Variants in MAGI1 observed in about 807,000 individuals in gnomAD.
MAGI1 encodes the protein membrane-associated guanylate kinase, WW and PDZ domain-containing protein 1.
In MAGI1, 58 loss-of-function variants were observed where a neutral mutation model predicts 139.9. That is an observed-to-expected ratio of 0.41 (90% CI 0.34 to 0.52). The LOEUF (loss-of-function observed/expected upper bound fraction) is 0.52. Among genes scored for constraint, MAGI1 ranks in the 20% least tolerant of loss-of-function variants. The pLI is 0.12. For synonymous variants in MAGI1, 812 were observed against 737.9 expected, an observed-to-expected ratio of 1.10 and a Z score of -1.63; for missense variants, 1,874 against 1,901.6, an observed-to-expected ratio of 0.99 and a Z score of 0.27.
chr3:65,814,480 G>A (rs1383752687), intron 1 of MAGI1, among the ~76,000 whole-genome samples: 2 of 152,120 alleles, frequency 1.3e-5, no homozygotes, highest in Non-Finnish European at 2.9e-5. Flanking sequence ...TTTCATGGAA[G>A]GCATCCATGA....
intron 4 of MAGI1, among the ~76,000 whole-genome samples, chr3:65,470,756 T>C (rs1315336990): frequency 2.0e-5 from 3 of 152,144 alleles, no homozygotes; most frequent in African/African-American, 7.2e-5. Context: ...CTCACAATCT[T>C]GGAAATGTCA....
chr3:65,608,260 G>A (rs965615377), intron 2 of MAGI1, among the ~76,000 whole-genome samples: 1 of 152,100 alleles, frequency 6.6e-6, no homozygotes, highest in Non-Finnish European at 1.5e-5. Context: ...TGGCTAACAT[G>A]GTGAAACCCA....
chr3:65,778,299 G>A (rs746419928), intron 1 of MAGI1, among the ~76,000 whole-genome samples: 17 of 151,858 alleles, frequency 1.1e-4, no homozygotes, highest in South Asian at 2.1e-4. Flanking sequence ...GCATGGTGGC[G>A]GGTGCCTGTA....
intron 12 of MAGI1, among the ~76,000 whole-genome samples, chr3:65,419,233 C>CACATACACACACACACACACAT (rs1553641830): frequency 4.6e-5 from 7 of 151,620 alleles, no homozygotes; most frequent in African/African-American, 1.7e-4. Context: ...CACACACACA[C>CACATACACACACACACACACAT]ACACACACAC....
At chr3:65,973,115 A>G (rs1052916916) in intron 1 of MAGI1, among the ~76,000 whole-genome samples, 1 of 151,944 alleles carries the variant, frequency 6.6e-6, no homozygotes, top group Non-Finnish European at 1.5e-5. Context: ...ATGCCACTAC[A>G]CTCCAGCTGG....
At chr3:65,708,788 A>G (rs2030848621) in intron 1 of MAGI1, among the ~76,000 whole-genome samples, 1 of 152,200 alleles carries the variant, frequency 6.6e-6, no homozygotes, top group African/African-American at 2.4e-5. Flanking sequence ...ACAGACTGCC[A>G]TTCTTCTCAA....
intron 1 of MAGI1, among the ~76,000 whole-genome samples, chr3:65,777,558 G>A (rs1355668674): frequency 6.6e-6 from 1 of 150,534 alleles, no homozygotes; most frequent in Non-Finnish European, 1.5e-5. Context: ...AGGATCACTT[G>A]AGCCTGGGAG....
rs869135888 is a variant in MAGI1, at chr3:65,950,094, CA to C, written c.313+87901del. Among the ~76,000 whole-genome samples the C allele has an allele frequency of 6.1e-4, 29 of 47,814 alleles. 1 individual carries two copies. The highest frequency in any genetic ancestry group is 1.2e-3 in the South Asian group (1 of 852). The allele number at this position is 47,814 out of a possible 152,430, so 31.4% of individuals were successfully genotyped here. ...AAAAAAAAACAAAAAAAAAAACAAA[CA>C]AAAAAAAAAAACAGAACTAGCAATA... On this transcript the variant is annotated intron_variant, in intron 1 of 22. Transcript: ENST00000402939.
chr3:65,526,476 C>G (rs2107821530), intron 2 of MAGI1, among the ~76,000 whole-genome samples: 1 of 152,296 alleles, frequency 6.6e-6, no homozygotes, highest in East Asian at 1.9e-4. Context: ...AATTCTTTAT[C>G]TGCATGCAAA....
chr3:65,777,537 G>A (rs763306277), intron 1 of MAGI1, among the ~76,000 whole-genome samples: 1 of 151,706 alleles, frequency 6.6e-6, no homozygotes, highest in Non-Finnish European at 1.5e-5. Flanking sequence ...ACTTTGGGAG[G>A]CCAAGGTGGG....
chr3:65,515,513 A>C (rs1387537462), intron 2 of MAGI1, among the ~76,000 whole-genome samples: 2 of 152,194 alleles, frequency 1.3e-5, no homozygotes, highest in East Asian at 3.9e-4. Flanking sequence ...GAAAATATAA[A>C]ATTCACACAA....
intron 9 of MAGI1, 142 bp downstream of exon 9, chr3:65,439,737 C>T: frequency 6.7e-7 from 1 of 1,496,180 alleles, no homozygotes. Context: ...GGTTCTCTTC[C>T]TCCCCACAGG....
At chr3:65,903,150 A>C (rs1188566532) in intron 1 of MAGI1, among the ~76,000 whole-genome samples, 6 of 151,406 alleles carry the variant, frequency 4.0e-5, no homozygotes, top group Non-Finnish European at 1.5e-5. Context: ...ACACACCAAC[A>C]CTCCCAGCCA....
chr3:65,547,269 C>T (rs2079549613), intron 2 of MAGI1, among the ~76,000 whole-genome samples: 1 of 152,164 alleles, frequency 6.6e-6, no homozygotes, highest in Non-Finnish European at 1.5e-5. Context: ...GTTAATTCAA[C>T]CCCTAAGCGA....
At chr3:65,991,484 C>T (rs957220090) in intron 1 of MAGI1, among the ~76,000 whole-genome samples, 3 of 152,002 alleles carry the variant, frequency 2.0e-5, no homozygotes, top group Non-Finnish European at 4.4e-5. Flanking sequence ...ACTTATGAAA[C>T]CTAGGTGACA....
At chr3:65,397,719 T>C (rs908791533) in intron 13 of MAGI1, among the ~76,000 whole-genome samples, 3 of 152,226 alleles carry the variant, frequency 2.0e-5, no homozygotes, top group Admixed American at 6.5e-5. Flanking sequence ...CATTTTATGA[T>C]GACTTATAAG....
chr3:65,469,092 T>A (rs1950386082), intron 5 of MAGI1, among the ~76,000 whole-genome samples: 1 of 152,178 alleles, frequency 6.6e-6, no homozygotes, highest in South Asian at 2.1e-4. Context: ...ACCCAACTGT[T>A]AATAGATACT....
At position 65,998,590 on chromosome 3, in the gene MAGI1, A is replaced by G. The variant is rs1303023033; in HGVS notation, c.313+39406T>C. ...TTAGAGGTTAAGATTTAAGAGACCA[A>G]GACTAATCTGTTAGGCCTTCCTTAT... On this transcript the variant is annotated intron_variant, in intron 1 of 22. Coordinates refer to ENST00000402939, the MANE Select transcript of MAGI1 (RefSeq NM_001033057.2). Among the ~76,000 whole-genome samples the G allele has an allele frequency of 3.3e-5, 5 of 152,356 alleles. No homozygotes were observed. The South Asian group carries it at 6.2e-4, about 19-fold the overall frequency.
At chr3:65,926,823 C>A (rs1296204734) in intron 1 of MAGI1, among the ~76,000 whole-genome samples, 1 of 152,136 alleles carries the variant, frequency 6.6e-6, no homozygotes, top group Non-Finnish European at 1.5e-5. Flanking sequence ...GGTGTAACCC[C>A]CATCTCTACT....
Sources: allele counts gnomAD v4.1 joint callset (sites outside exome capture counted in the v4.1 genomes callset), GRCh38; gene constraint gnomAD v4.1.1; transcripts MANE v1.5; gene names NCBI Gene and HGNC (gene_info 2026-07-23, HGNC 2026-07-21).